MTHFD1L: variants seen among roughly 807,000 people sequenced by gnomAD.
The protein encoded by MTHFD1L is monofunctional C1-tetrahydrofolate synthase, mitochondrial.
MTHFD1L carries 81 observed loss-of-function variants against 119.5 expected under a neutral mutation model. The ratio of observed to expected loss-of-function variants is 0.68; its 90% CI spans 0.57 to 0.82. The LOEUF is 0.82. MTHFD1L is among the 40% of genes least tolerant of loss of function. MTHFD1L has a pLI of 0.00. For synonymous variants in MTHFD1L, 430 were observed against 475.2 expected, an observed-to-expected ratio of 0.90 and a Z score of 1.24; for missense variants, 1,125 against 1,253.4, an observed-to-expected ratio of 0.90 and a Z score of 1.55.
Position 150,910,189 on chromosome 6 carries a change from T to TA in MTHFD1L, c.892+4438dup, listed in dbSNP as rs557489289. 8.8e-3 allele frequency among the ~76,000 whole-genome samples: 1,197 copies of TA among 136,160 alleles called. 6 individuals carry two copies. The highest frequency in any genetic ancestry group is 0.013 in the Middle Eastern group (3 of 226). 89.3% of individuals were successfully genotyped at this position (136,160 alleles called of 152,430 possible). A position where few individuals can be genotyped will look rare whatever the true frequency, so the allele number is the denominator to read the frequency against. ...AGAGCAAAGCTCCATCTCAAAAAATTAAAAAAAAAATGTAGTGGAAAGAAC... is the reference window on the plus strand; with the variant it reads ...AGAGCAAAGCTCCATCTCAAAAAATTAAAAAAAAAAATGTAGTGGAAAGAAC... On this transcript the variant is annotated intron_variant, in intron 8 of 27. Coordinates refer to ENST00000367321, the MANE Select transcript of MTHFD1L (RefSeq NM_015440.5).
At chr6:151,046,753 C>G (rs1788152393) in intron 26 of MTHFD1L, among the ~76,000 whole-genome samples, 1 of 152,108 alleles carries the variant, frequency 6.6e-6, no homozygotes, top group South Asian at 2.1e-4. Context: ...TAATCAGAAG[C>G]AGCTAAGCAA....
intron 20 of MTHFD1L, among the ~76,000 whole-genome samples, chr6:150,997,616 C>T (rs935254970): frequency 6.6e-6 from 1 of 152,036 alleles, no homozygotes; most frequent in Non-Finnish European, 1.5e-5. Flanking sequence ...TGTCAAAACC[C>T]CATCTCTACA....
chr6:150,960,327 C>A lies in MTHFD1L; in HGVS notation c.1856C>A (p.Thr619Lys). ...GAGATCATGGCGGTGCTGGCCCTGA[C>A]GGACAGCCTCGCAGACATGAAGGCA... ...ASEIMAVLAL[T>K]DSLADMKARL... Residue 619 changes from threonine to lysine, a missense_variant, in exon 18 of 28, where the codon ACG becomes AAG. Around this residue, in one of 3 missense-constraint regions of MTHFD1L, gnomAD observed 1,058 missense variants for 1,151.2 expected, o/e 0.92. Coordinates refer to ENST00000367321, the MANE Select transcript of MTHFD1L (RefSeq NM_015440.5). The A allele has an allele frequency of 1.9e-6, 3 of 1,614,024 alleles. No individual in the cohort carries two copies. Among genetic ancestry groups the A allele is most frequent in the Non-Finnish European group, 2.5e-6 (3 of 1,179,972 alleles).
At chr6:150,960,483 A>T in intron 18 of MTHFD1L, 68 bp downstream of exon 18, 1 of 1,516,708 alleles carries the variant, frequency 6.6e-7, no homozygotes, top group Non-Finnish European at 8.9e-7. Context: ...AGAAAAAGAA[A>T]GGTTTTCTTC....
intron 17 of MTHFD1L, among the ~76,000 whole-genome samples, chr6:150,958,427 T>C (rs1467853354): frequency 6.6e-6 from 1 of 152,164 alleles, no homozygotes; most frequent in Non-Finnish European, 1.5e-5. Flanking sequence ...ATACTATCCT[T>C]AGGATATTAT....
intron 26 of MTHFD1L, among the ~76,000 whole-genome samples, chr6:151,050,452 G>T (rs560529793): frequency 6.6e-6 from 1 of 152,190 alleles, no homozygotes. Context: ...GTGAGCCACC[G>T]TGCCTGGCCT....
intron 27 of MTHFD1L, chr6:151,100,056 C>T (rs796657699): frequency 6.3e-5 from 36 of 571,420 alleles, no homozygotes; most frequent in African/African-American, 3.2e-4. Flanking sequence ...TTTTTTGAGA[C>T]GCAGTCTCGC....
rs757890277 is a variant in MTHFD1L at position 150,944,601 on chromosome 6, G to A, written c.1548+8G>A. 1.2e-6 allele frequency: 2 copies of A among 1,604,098 alleles called. No individual in the cohort carries two copies. Among genetic ancestry groups the A allele is most frequent in the Admixed American group, 3.3e-5 (2 of 59,802 alleles). ...AACACGCAAACAGATAAGGTGAGAA[G>A]GATGCCTTGCTAGCCATTTTGGGTA... On this transcript the variant is annotated splice_region_variant and intron_variant, in intron 14 of 27. Coordinates refer to ENST00000367321, the MANE Select transcript of MTHFD1L (RefSeq NM_015440.5).
chr6:151,012,659 C>T (rs1367390035), intron 21 of MTHFD1L, among the ~76,000 whole-genome samples: 2 of 152,142 alleles, frequency 1.3e-5, no homozygotes, highest in African/African-American at 2.4e-5. Flanking sequence ...ACAATTAGAT[C>T]TTTAAACTAA....
intron 26 of MTHFD1L, among the ~76,000 whole-genome samples, chr6:151,073,252 G>T (rs6912618): frequency 6.6e-6 from 1 of 152,014 alleles, no homozygotes; most frequent in South Asian, 2.1e-4. Flanking sequence ...ATGCAAGTGC[G>T]TACTGATCAA....
At chr6:151,069,241 T>G (rs1218722987) in intron 26 of MTHFD1L, among the ~76,000 whole-genome samples, 1 of 61,718 alleles carries the variant, frequency 1.6e-5, no homozygotes, top group East Asian at 6.5e-4. Context: ...CAAAACTATC[T>G]TCTCTCTCTT....
chr6:150,967,414 TG>T (rs1797374713), intron 19 of MTHFD1L, among the ~76,000 whole-genome samples: 1 of 115,966 alleles, frequency 8.6e-6, no homozygotes, highest in African/African-American at 2.8e-5. Context: ...TCACCTTTTT[TG>T]CCCCGTTCTC....
intron 16 of MTHFD1L, among the ~76,000 whole-genome samples, chr6:150,952,622 C>G (rs1417826325): frequency 1.3e-5 from 2 of 152,148 alleles, no homozygotes; most frequent in African/African-American, 4.8e-5. Context: ...CTCCAACTCC[C>G]TGGATCAAGC....
intron 27 of MTHFD1L, among the ~76,000 whole-genome samples, chr6:151,098,057 T>C (rs1019559843): frequency 2.0e-5 from 3 of 151,940 alleles, no homozygotes; most frequent in Non-Finnish European, 4.4e-5. Context: ...ACCTGTAATC[T>C]CAGCTACTCA....
intron 20 of MTHFD1L, among the ~76,000 whole-genome samples, chr6:150,983,959 A>G (rs1777902074): frequency 1.3e-5 from 2 of 151,952 alleles, no homozygotes; most frequent in Admixed American, 6.6e-5. Context: ...TTTTCTGGAG[A>G]TGAGGTCTCA....
intron 1 of MTHFD1L, among the ~76,000 whole-genome samples, chr6:150,868,140 A>C (rs1246160498): frequency 6.6e-6 from 1 of 152,044 alleles, no homozygotes; most frequent in Non-Finnish European, 1.5e-5. Context: ...TGACTGCCTT[A>C]GAGATGAGTA....
chr6:151,042,777 C>T (rs1223392338), intron 26 of MTHFD1L, among the ~76,000 whole-genome samples: 1 of 152,104 alleles, frequency 6.6e-6, no homozygotes, highest in African/African-American at 2.4e-5. Context: ...AACACCAAAA[C>T]CTTAAATTAG....
chr6:150,865,789 C>A lies in MTHFD1L; in HGVS notation c.-34C>A. The A allele has an allele frequency of 7.8e-7, 1 of 1,285,678 alleles. No individual in the cohort carries two copies. Among genetic ancestry groups the A allele is most frequent in the Non-Finnish European group, 9.9e-7 (1 of 1,010,408 alleles). The allele number at this position is 1,285,678 out of a possible 1,614,324, so 79.6% of individuals were successfully genotyped here. A position where few individuals can be genotyped will look rare whatever the true frequency, so the allele number is the denominator to read the frequency against. On this transcript the variant is annotated 5_prime_UTR_variant, in exon 1 of 28. Coordinates refer to ENST00000367321, the MANE Select transcript of MTHFD1L (RefSeq NM_015440.5). ...GCCCCGCCGCCCTCGGCAGCCGCAG[C>A]TCCGTGTCCCCTGAGAACCAGCCGT... is the stretch of plus-strand genomic sequence containing the variant.
intron 26 of MTHFD1L, among the ~76,000 whole-genome samples, chr6:151,072,817 A>G (rs1792082349): frequency 1.3e-5 from 2 of 152,008 alleles, no homozygotes; most frequent in Admixed American, 1.3e-4. Context: ...CAAAAAATAA[A>G]AAGAGTACAC....
Sources: gnomAD v4.1 joint callset for allele counts (sites outside exome capture counted in the v4.1 genomes callset) on GRCh38, gnomAD v4.1.1 for gene constraint, gnomAD v4.1.1 regional missense constraint, MANE v1.5 for transcripts, NCBI Gene and HGNC (gene_info 2026-07-23, HGNC 2026-07-21) for gene names.